Variants in SLC4A5 observed in about 807,000 individuals in gnomAD.
SLC4A5 encodes the protein solute carrier family 4 member 5.
Under a neutral mutation model 120.4 loss-of-function variants are expected in SLC4A5, and 96 were observed. That is an observed-to-expected ratio of 0.80 (90% CI 0.68 to 0.94). The LOEUF (loss-of-function observed/expected upper bound fraction) is 0.94. SLC4A5 is among the 40% of genes least tolerant of loss of function. The pLI is 0.00. For missense variants in SLC4A5, 1,259 were observed against 1,459.5 expected (o/e 0.86, Z 2.24); for synonymous variants, 550 against 571.1 (o/e 0.96, Z 0.53).
intron 8 of SLC4A5, among the ~76,000 whole-genome samples, chr2:74,280,411 G>C (rs1671776086): frequency 6.6e-6 from 1 of 152,178 alleles, no homozygotes; most frequent in Admixed American, 6.5e-5. Flanking sequence ...CAATTAGACT[G>C]AGAGCCCAAG....
chr2:74,312,054 G>A (rs1178936268), intron 6 of SLC4A5, among the ~76,000 whole-genome samples: 4 of 152,054 alleles, frequency 2.6e-5, no homozygotes, highest in Non-Finnish European at 5.9e-5. Context: ...ATGATGCAAT[G>A]CCCTCCCTTA....
chr2:74,221,242 A>G (rs1240034025), intron 30 of SLC4A5, among the ~76,000 whole-genome samples, 192 bp downstream of exon 30: 1 of 152,246 alleles, frequency 6.6e-6, no homozygotes, highest in African/African-American at 2.4e-5. Flanking sequence ...TTGTTAAGTC[A>G]GTAAGAAGAC....
exon 15 of SLC4A5, chr2:74,253,068 C>T: frequency 6.2e-7 from 1 of 1,614,142 alleles, no homozygotes; most frequent in African/African-American, 1.3e-5. Context: ...TCCAGAAATT[C>T]ATCAATTCCT....
chr2:74,343,260 A>C (rs1673665083), intron 1 of SLC4A5, 96 bp downstream of exon 1: 1 of 152,208 alleles, frequency 6.6e-6, no homozygotes, highest in Non-Finnish European at 1.5e-5. Context: ...TGGGCTGGGG[A>C]ATCTGCCTAT....
At chr2:74,239,688 C>A (rs1272518596) in intron 20 of SLC4A5, among the ~76,000 whole-genome samples, 153 bp from the exon 21 acceptor site, 4 of 152,106 alleles carry the variant, frequency 2.6e-5, no homozygotes, top group African/African-American at 9.7e-5. Flanking sequence ...CGGGCTGGTT[C>A]AAGGAATGAC....
intron 9 of SLC4A5, among the ~76,000 whole-genome samples, 168 bp from the exon 10 acceptor site, chr2:74,264,467 G>C (rs1352260521): frequency 6.9e-6 from 1 of 144,324 alleles, no homozygotes; most frequent in Non-Finnish European, 1.5e-5. Flanking sequence ...ACCAACTCTT[G>C]GCCTCCTCCT....
intron 2 of SLC4A5, among the ~76,000 whole-genome samples, chr2:74,341,721 C>T (rs899315545): frequency 6.6e-6 from 1 of 152,184 alleles, no homozygotes; most frequent in Non-Finnish European, 1.5e-5. Context: ...AGTCTGTGAT[C>T]TAGGAAGTCC....
intron 25 of SLC4A5, among the ~76,000 whole-genome samples, chr2:74,229,967 G>A (rs1369236655): frequency 2.0e-5 from 3 of 148,094 alleles, no homozygotes; most frequent in Non-Finnish European, 4.4e-5. Context: ...CTGCAGCCTC[G>A]ACCTCCTGGA....
exon 31 of SLC4A5, chr2:74,217,918 C>T (rs1165773058): frequency 6.6e-6 from 1 of 152,444 alleles, no homozygotes; most frequent in Non-Finnish European, 1.5e-5. Context: ...ATTCTCCTGC[C>T]TCAGCCTCCC....
At chr2:74,234,238 G>C (rs1465102712) in intron 22 of SLC4A5, among the ~76,000 whole-genome samples, 1 of 151,364 alleles carries the variant, frequency 6.6e-6, no homozygotes, top group Non-Finnish European at 1.5e-5. Context: ...CAGTGCAGTG[G>C]CGTGATCTCC....
chr2:74,262,668 C>T (rs1176093455), intron 10 of SLC4A5, among the ~76,000 whole-genome samples: 2 of 150,518 alleles, frequency 1.3e-5, no homozygotes, highest in African/African-American at 4.9e-5. Context: ...CATTGCACTC[C>T]AGCCTGGGTG....
chr2:74,320,460 A>G (rs1199182431), intron 5 of SLC4A5, among the ~76,000 whole-genome samples: 4 of 152,228 alleles, frequency 2.6e-5, no homozygotes, highest in East Asian at 1.9e-4. Flanking sequence ...AGATTTCTCA[A>G]TCACTACAGT....
At position 74,264,489 on chromosome 2, in the gene SLC4A5, C is replaced by CGTGTGTGTGTGTGTGTGTGTGT. The variant is rs59538523; in HGVS notation, c.563-212_563-191dup. Among the ~76,000 whole-genome samples, 241 of 143,742 alleles carry CGTGTGTGTGTGTGTGTGTGTGT rather than the reference C, an allele frequency of 1.7e-3. 2 individuals carry two copies. Among genetic ancestry groups the CGTGTGTGTGTGTGTGTGTGTGT allele is most frequent in the Admixed American group, 4.8e-3 (70 of 14,500 alleles). 94.3% of individuals were successfully genotyped at this position (143,742 alleles called of 152,430 possible). A position where few individuals can be genotyped will look rare whatever the true frequency, so the allele number is the denominator to read the frequency against. ...CTTGGCCTCCTCCTGTTCAAGGGCA[C>CGTGTGTGTGTGTGTGTGTGTGT]GTGTGTGTGTGTGTGTGTGTGTGTG... On this transcript the variant is annotated intron_variant, in intron 9 of 30. Transcript: ENST00000394019.
chr2:74,313,472 T>C (rs1446812912), intron 6 of SLC4A5, among the ~76,000 whole-genome samples: 2 of 152,218 alleles, frequency 1.3e-5, no homozygotes, highest in African/African-American at 4.8e-5. Context: ...TCCTAGGTAC[T>C]AGGGGTCAGG....
intron 8 of SLC4A5, among the ~76,000 whole-genome samples, chr2:74,282,689 T>C (rs1004228995): frequency 5.3e-5 from 8 of 152,212 alleles, no homozygotes; most frequent in South Asian, 2.1e-4. Context: ...CCTTTGGTGA[T>C]AGTCAGGTCT....
At chr2:74,288,093 G>A (rs754241545) in intron 7 of SLC4A5, among the ~76,000 whole-genome samples, 1 of 152,088 alleles carries the variant, frequency 6.6e-6, no homozygotes, top group African/African-American at 2.4e-5. Context: ...TTCAGGCCTC[G>A]CAGAGTATGA....
rs550547103 is a variant in SLC4A5 at position 74,245,292 on chromosome 2, C to T, written c.2059+1744G>A. 2.0e-4 allele frequency among the ~76,000 whole-genome samples: 30 copies of T among 152,252 alleles called. No homozygotes were observed. In the South Asian group the frequency reaches 6.2e-3, roughly 32 times the overall value. On this transcript the variant is annotated intron_variant, in intron 19 of 30. Coordinates refer to ENST00000394019, the Ensembl canonical transcript of SLC4A5. ...CGAGATCGCGCCATTGCACTCCAGC[C>T]TGGGCGACAGAGTCAGACTCTGTCT...
rs115438538 is a variant in SLC4A5 at position 74,268,914 on chromosome 2, T to C, written c.402-3650A>G. On this transcript the variant is annotated intron_variant, in intron 8 of 30. Coordinates refer to ENST00000394019, the Ensembl canonical transcript of SLC4A5. ...ATCTATGTTTAACACCTTCATTCCA[T>C]ACATTTATTTGAGACAAGTTAACCA... Among the ~76,000 whole-genome samples, 1,261 of 152,316 alleles carry C rather than the reference T, an allele frequency of 8.3e-3. 17 individuals are homozygous for C. Among genetic ancestry groups the C allele is most frequent in the African/African-American group, 0.028 (1,153 of 41,568 alleles).
intron 30 of SLC4A5, among the ~76,000 whole-genome samples, chr2:74,220,757 C>T (rs1021508277): frequency 6.6e-6 from 1 of 150,456 alleles, no homozygotes; most frequent in Admixed American, 6.6e-5. Context: ...ACCTTGTGAT[C>T]TGCCCGCCTC....
Sources: allele counts gnomAD v4.1 joint callset (sites outside exome capture counted in the v4.1 genomes callset), GRCh38; gene constraint gnomAD v4.1.1; transcripts MANE v1.5; gene names NCBI Gene and HGNC (gene_info 2026-07-23, HGNC 2026-07-21).